Variants in COL14A1 observed in about 807,000 individuals in gnomAD.
COL14A1 encodes the protein collagen alpha-1(XIV) chain.
Under a neutral mutation model 230.3 loss-of-function variants are expected in COL14A1, and 136 were observed. The ratio of observed to expected loss-of-function variants is 0.59; its 90% CI spans 0.51 to 0.68. The LOEUF is 0.68. COL14A1 is among the 30% of genes least tolerant of loss of function. The pLI is 0.00. For synonymous variants in COL14A1, 792 were observed against 784.1 expected (o/e 1.01, Z -0.17); for missense variants, 1,976 against 2,215.8 (o/e 0.89, Z 2.17).
At chr8:120,172,640 T>C (rs1816131369) in intron 5 of COL14A1, among the ~76,000 whole-genome samples, 1 of 152,164 alleles carries the variant, frequency 6.6e-6, no homozygotes, top group Non-Finnish European at 1.5e-5. Context: ...TTTCTTGTCT[T>C]AAGATACTCA....
At chr8:120,208,444 C>A in intron 11 of COL14A1, 83 bp downstream of exon 11, 1 of 1,436,554 alleles carries the variant, frequency 7.0e-7, no homozygotes, top group South Asian at 1.3e-5. Flanking sequence ...CTGCTCAGGT[C>A]ATGTTGATAG....
chr8:120,206,935 T>A lies in COL14A1; in HGVS notation c.1040-8T>A, dbSNP rs143918652. The A allele has an allele frequency of 0.012, 19,239 of 1,591,974 alleles. 257 individuals carry two copies. Among genetic ancestry groups the A allele is most frequent in the Middle Eastern group, 0.035 (205 of 5,914 alleles). ...AAGAGGTTTATTTGATATGTTTTTT[T>A]AATTTAGCCTCAGCCCATGCCATCA... On this transcript the variant is annotated splice_region_variant and splice_polypyrimidine_tract_variant and intron_variant, in intron 9 of 47. Transcript: ENST00000297848.
intron 45 of COL14A1, among the ~76,000 whole-genome samples, chr8:120,353,314 C>G (rs1294193851): frequency 1.9e-5 from 1 of 52,132 alleles, no homozygotes; most frequent in East Asian, 4.5e-4. Flanking sequence ...CATTACCATT[C>G]AGGACATAGG....
intron 45 of COL14A1, among the ~76,000 whole-genome samples, chr8:120,353,615 A>G (rs1475640681): frequency 6.6e-6 from 1 of 151,576 alleles, no homozygotes; most frequent in East Asian, 1.9e-4. Flanking sequence ...GAAGACATTT[A>G]TGCAGCCAAA....
Position 120,227,272 on chromosome 8 carries a change from G to C in COL14A1, c.2057G>C (p.Gly686Ala). 3 of 1,614,078 alleles carry C rather than the reference G, an allele frequency of 1.9e-6. No individual in the cohort carries two copies. Among genetic ancestry groups the C allele is most frequent in the Non-Finnish European group, 2.5e-6 (3 of 1,180,008 alleles). ...DSHVIEGLEP[G>A]TEYEVSLLAV... The stretch of plus-strand genomic sequence containing the variant: ...CATGTTATTGAAGGCCTGGAGCCCG[G>C]TACGGAGTATGAAGTTTCACTATTG... The change falls in exon 17 of 48, where the codon GGT (glycine) becomes GCT (alanine). Residue 686 changes from glycine to alanine, a missense_variant. Physicochemically the swap from Gly to Ala is moderately conservative, Grantham distance 60. Coordinates refer to ENST00000297848, the MANE Select transcript of COL14A1 (RefSeq NM_021110.4).
chr8:120,333,893 T>A lies in COL14A1; in HGVS notation c.4785+1158T>A, dbSNP rs1430956199. Reference sequence around the variant, plus strand: ...CTCTCTGACAACAGCCAGGAAAGGTTCTCTTCAGGACCTATGTGATTACAT... The same window carrying A: ...CTCTCTGACAACAGCCAGGAAAGGTACTCTTCAGGACCTATGTGATTACAT... On this transcript the variant is annotated intron_variant, in intron 42 of 47. Transcript: ENST00000297848. Among the ~76,000 whole-genome samples, 5 of 152,186 alleles carry A rather than the reference T, an allele frequency of 3.3e-5. 1 individual carries two copies. The highest frequency in any genetic ancestry group is 3.3e-4 in the Admixed American group (5 of 15,280).
At chr8:120,172,504 TC>T (rs1180206962) in intron 5 of COL14A1, among the ~76,000 whole-genome samples, 1 of 152,172 alleles carries the variant, frequency 6.6e-6, no homozygotes, top group African/African-American at 2.4e-5. Flanking sequence ...GGGGCTGGTT[TC>T]TTAGGATGAT....
In COL14A1 at chr8:120,278,589, T is replaced by G. The variant is rs1819930891; in HGVS notation, c.3481+11T>G. ...AGATGCAATTAGATGGTAAGATATA[T>G]AAACAATAGTGGCTACCAAATATGA... On this transcript the variant is annotated intron_variant, in intron 28 of 47. Coordinates refer to ENST00000297848, the MANE Select transcript of COL14A1 (RefSeq NM_021110.4). The G allele has an allele frequency of 1.2e-6, 2 of 1,609,850 alleles. No homozygotes were observed. The highest frequency in any genetic ancestry group is 3.4e-5 in the Admixed American group (2 of 59,352).
At chr8:120,316,924 TAAGAG>T (rs1821254967) in intron 40 of COL14A1, among the ~76,000 whole-genome samples, 1 of 152,196 alleles carries the variant, frequency 6.6e-6, no homozygotes, top group Non-Finnish European at 1.5e-5. Context: ...GGGAGATTGT[TAAGAG>T]AAGAAGTTAG....
chr8:120,289,302 C>G (rs1458954253), intron 33 of COL14A1, among the ~76,000 whole-genome samples: 2 of 152,108 alleles, frequency 1.3e-5, no homozygotes, highest in Non-Finnish European at 2.9e-5. Context: ...AAAGGCATGG[C>G]TAGTACAGCA....
intron 45 of COL14A1, among the ~76,000 whole-genome samples, chr8:120,359,329 G>C (rs1427274587): frequency 6.6e-6 from 1 of 151,906 alleles, no homozygotes; most frequent in Non-Finnish European, 1.5e-5. Flanking sequence ...ATAGTAATGG[G>C]TCTTTCATGC....
At chr8:120,192,803 C>T (rs531075025) in intron 5 of COL14A1, among the ~76,000 whole-genome samples, 2,107 of 152,274 alleles carry the variant, frequency 0.014, 48 homozygotes, top group African/African-American at 0.047. Flanking sequence ...ATTTCATCTT[C>T]CATCACTGAT....
At chr8:120,330,269 G>A (rs1454141819) in intron 40 of COL14A1, among the ~76,000 whole-genome samples, 1 of 152,192 alleles carries the variant, frequency 6.6e-6, no homozygotes, top group Non-Finnish European at 1.5e-5. Context: ...GGTTGAGAGT[G>A]TGGCAAAGGG....
chr8:120,224,763 G>A (rs569090945), intron 14 of COL14A1, among the ~76,000 whole-genome samples: 1 of 152,298 alleles, frequency 6.6e-6, no homozygotes, highest in South Asian at 2.1e-4. Flanking sequence ...GAGAGCCCAC[G>A]CAGTGAAGCA....
intron 2 of COL14A1, among the ~76,000 whole-genome samples, chr8:120,153,410 C>G (rs1023188348): frequency 6.6e-6 from 1 of 152,168 alleles, no homozygotes; most frequent in African/African-American, 2.4e-5. Context: ...GTCTCAAACT[C>G]CTGGGCTCAA....
chr8:120,354,404 A>G lies in COL14A1; in HGVS notation c.5077+8841A>G, dbSNP rs554305640. 1.3e-3 allele frequency among the ~76,000 whole-genome samples: 198 copies of G among 147,706 alleles called. 5 individuals are homozygous for G. Among genetic ancestry groups the G allele is most frequent in the African/African-American group, 4.7e-3 (182 of 38,772 alleles). On this transcript the variant is annotated intron_variant, in intron 45 of 47. Transcript: ENST00000297848. ...CTTAAAGTATAATTAAAAAAAAAAAAAAAAAGAAAAACACTATCCCCATAC... is the reference window on the plus strand; with the variant it reads ...CTTAAAGTATAATTAAAAAAAAAAAGAAAAAGAAAAACACTATCCCCATAC...
Position 120,212,734 on chromosome 8 carries a change from T to C in COL14A1, c.1597+157T>C, listed in dbSNP as rs1586770944. Among the ~76,000 whole-genome samples, 3 of 152,224 alleles carry C rather than the reference T, an allele frequency of 2.0e-5. No individual in the cohort carries two copies. The South Asian group carries it at 6.2e-4, about 32-fold the overall frequency. On this transcript the variant is annotated intron_variant, in intron 13 of 47. Transcript: ENST00000297848. ...ATTTAGGGCAAGGAAATGTATTTCT[T>C]ATATATTATATTATTATGAGTGATA... is the stretch of plus-strand genomic sequence containing the variant.
chr8:120,298,342 T>C (rs1422533808), intron 35 of COL14A1, among the ~76,000 whole-genome samples: 4 of 151,642 alleles, frequency 2.6e-5, no homozygotes, highest in Non-Finnish European at 5.9e-5. Context: ...GAGCTCAATA[T>C]AGTGCTCCCA....
At chr8:120,162,072 G>C (rs1434625498) in intron 3 of COL14A1, among the ~76,000 whole-genome samples, 2 of 152,228 alleles carry the variant, frequency 1.3e-5, no homozygotes, top group Non-Finnish European at 2.9e-5. Flanking sequence ...TATAAAAGCA[G>C]TAGTGTGTTA....
Sources: allele counts gnomAD v4.1 joint callset (sites outside exome capture counted in the v4.1 genomes callset), GRCh38; gene constraint gnomAD v4.1.1; transcripts MANE v1.5; gene names NCBI Gene and HGNC (gene_info 2026-07-23, HGNC 2026-07-21).